SGCZ: variants seen among roughly 807,000 people sequenced by gnomAD.
SGCZ encodes sarcoglycan zeta, also known as zeta-sarcoglycan.
Under a neutral mutation model 41.3 loss-of-function variants are expected in SGCZ, and 40 were observed. The ratio of observed to expected loss-of-function variants is 0.97; its 90% CI spans 0.75 to 1.26. The LOEUF is 1.26. Ranked by LOEUF, SGCZ falls within the 50% of genes most tolerant of loss-of-function variation. The probability of loss-of-function intolerance (pLI) is 0.00; values close to 1 mark genes in which losing one functional copy is unlikely to be tolerated. For synonymous variants in SGCZ, 206 were observed against 137.5 expected, an observed-to-expected ratio of 1.50 and a Z score of -3.49; for missense variants, 552 against 369.8, an observed-to-expected ratio of 1.49 and a Z score of -4.04.
chr8:14,811,569 T>C (rs143343602), intron 1 of SGCZ, among the ~76,000 whole-genome samples: 1,524 of 141,496 alleles, frequency 0.011, 17 homozygotes, highest in Non-Finnish European at 0.018. Flanking sequence ...CCACTCCTTA[T>C]AGTTGTTATG....
intron 1 of SGCZ, among the ~76,000 whole-genome samples, chr8:14,691,008 T>C (rs1279452603): frequency 6.6e-6 from 1 of 152,186 alleles, no homozygotes; most frequent in Non-Finnish European, 1.5e-5. Context: ...CAACCTACAT[T>C]CTGTGAAAGA....
chr8:14,443,752 C>A (rs1800345183), intron 2 of SGCZ, among the ~76,000 whole-genome samples: 1 of 152,006 alleles, frequency 6.6e-6, no homozygotes, highest in Non-Finnish European at 1.5e-5. Context: ...TAGGCATAGG[C>A]AAGGACTTCA....
intron 1 of SGCZ, among the ~76,000 whole-genome samples, chr8:14,981,180 T>C (rs887412359): frequency 1.3e-5 from 2 of 152,202 alleles, no homozygotes; most frequent in East Asian, 3.9e-4. Context: ...TCTATCCTTG[T>C]TTAAATTTCC....
intron 1 of SGCZ, among the ~76,000 whole-genome samples, chr8:15,020,461 A>G (rs1010490256): frequency 1.3e-5 from 2 of 152,048 alleles, no homozygotes; most frequent in South Asian, 2.1e-4. Flanking sequence ...ATGGGTGCAT[A>G]TATATATGAG....
At chr8:14,290,447 G>A (rs1328882881) in intron 3 of SGCZ, among the ~76,000 whole-genome samples, 1 of 151,804 alleles carries the variant, frequency 6.6e-6, no homozygotes, top group Non-Finnish European at 1.5e-5. Context: ...TCTTATAAGG[G>A]GCTAATATCC....
At chr8:14,818,874 TG>T (rs1801984642) in intron 1 of SGCZ, among the ~76,000 whole-genome samples, 1 of 151,890 alleles carries the variant, frequency 6.6e-6, no homozygotes, top group African/African-American at 2.4e-5. Context: ...AATCTAGTGA[TG>T]GGGGCAAATA....
rs113205265 is a variant in SGCZ, at chr8:14,270,007, A to C, written c.337-32328T>G. Among the ~76,000 whole-genome samples the C allele has an allele frequency of 2.1e-3, 317 of 152,274 alleles. 4 individuals carry two copies. Among genetic ancestry groups the C allele is most frequent in the Non-Finnish European group, 2.9e-3 (199 of 68,022 alleles). On this transcript the variant is annotated intron_variant, in intron 3 of 7. Coordinates refer to ENST00000382080, the MANE Select transcript of SGCZ (RefSeq NM_139167.4). ...AAGTGGAATAAATATTTGATGACAC[A>C]ATTTCATGGAACACCTTAACTTCTT...
chr8:14,815,297 T>A (rs902461229), intron 1 of SGCZ, among the ~76,000 whole-genome samples: 2 of 152,010 alleles, frequency 1.3e-5, no homozygotes, highest in Non-Finnish European at 2.9e-5. Flanking sequence ...AAAGAAAAAT[T>A]TGTTTCATAA....
At chr8:15,160,689 G>A (rs1799485399) in intron 1 of SGCZ, among the ~76,000 whole-genome samples, 1 of 152,112 alleles carries the variant, frequency 6.6e-6, no homozygotes, top group Admixed American at 6.5e-5. Flanking sequence ...GTGTTCAGTA[G>A]GCATATGAGA....
At chr8:15,016,870 A>AAG (rs142823662) in intron 1 of SGCZ, among the ~76,000 whole-genome samples, 10 of 150,234 alleles carry the variant, frequency 6.7e-5, no homozygotes, top group East Asian at 3.9e-4. Context: ...GTCATTTGGC[A>AAG]AGAGAGAGAG....
chr8:14,381,379 T>C lies in SGCZ; in HGVS notation c.235-57175A>G, dbSNP rs115740683. 6.9e-3 allele frequency among the ~76,000 whole-genome samples: 1,055 copies of C among 152,336 alleles called. 9 individuals are homozygous for C. The highest frequency in any genetic ancestry group is 0.018 in the South Asian group (85 of 4,828). On this transcript the variant is annotated intron_variant, in intron 2 of 7. Transcript: ENST00000382080. The stretch of plus-strand genomic sequence containing the variant: ...TCAGGTCCAGCCATCCTGATATTAA[T>C]AATGGGGTGTCATAAAAGATGATAA...
intron 1 of SGCZ, among the ~76,000 whole-genome samples, chr8:14,730,544 A>ATGTGGGAGTTGAACAAT: frequency 6.6e-6 from 1 of 152,012 alleles, no homozygotes; most frequent in Non-Finnish European, 1.5e-5. Flanking sequence ...GAAGGGAATC[A>ATGTGGGAGTTGAACAAT]GAAACAACAT....
At chr8:14,363,356 A>G (rs1803594612) in intron 2 of SGCZ, among the ~76,000 whole-genome samples, 2 of 152,156 alleles carry the variant, frequency 1.3e-5, no homozygotes, top group African/African-American at 4.8e-5. Flanking sequence ...TACTATAGTT[A>G]TGGTCTAGAG....
chr8:14,665,161 C>G (rs551627923), intron 1 of SGCZ, among the ~76,000 whole-genome samples: 6 of 152,098 alleles, frequency 3.9e-5, no homozygotes, highest in African/African-American at 7.2e-5. Flanking sequence ...ATCCCTCCCC[C>G]CTCTCCCCAC....
intron 1 of SGCZ, among the ~76,000 whole-genome samples, chr8:15,047,526 T>G (rs1036746349): frequency 6.6e-6 from 1 of 152,038 alleles, no homozygotes; most frequent in African/African-American, 2.4e-5. Flanking sequence ...ATGTGGACCT[T>G]TAAAGTCTTC....
At chr8:14,264,379 G>C (rs552005133) in intron 3 of SGCZ, among the ~76,000 whole-genome samples, 54 of 152,226 alleles carry the variant, frequency 3.5e-4, no homozygotes, top group African/African-American at 1.0e-3. Flanking sequence ...CCTCACTCTA[G>C]GCTGGTTACT....
chr8:14,109,560 A>C (rs959611752), intron 5 of SGCZ, among the ~76,000 whole-genome samples: 2 of 152,160 alleles, frequency 1.3e-5, no homozygotes, highest in Non-Finnish European at 2.9e-5. Context: ...TAATTTAAAA[A>C]TATGTATTTG....
intron 1 of SGCZ, among the ~76,000 whole-genome samples, chr8:14,847,483 C>T (rs1803169008): frequency 6.7e-6 from 1 of 149,044 alleles, no homozygotes; most frequent in African/African-American, 2.5e-5. Flanking sequence ...TCAAGTGAAT[C>T]TATGTAATTC....
Position 14,278,412 on chromosome 8 carries a change from G to A in SGCZ, c.337-40733C>T, listed in dbSNP as rs1315465039. Among the ~76,000 whole-genome samples the A allele has an allele frequency of 2.6e-5, 4 of 152,098 alleles. No homozygotes were observed. In the East Asian group the frequency reaches 7.8e-4, roughly 30 times the overall value. ...TCCATGTGTTCTGCTTCTCCTTACT[G>A]AGCCATCCAAATAATTTAGTCAAAT... On this transcript the variant is annotated intron_variant, in intron 3 of 7. Transcript: ENST00000382080.
Sources: allele counts gnomAD v4.1 joint callset (sites outside exome capture counted in the v4.1 genomes callset), GRCh38; gene constraint gnomAD v4.1.1; transcripts MANE v1.5; gene names NCBI Gene and HGNC (gene_info 2026-07-23, HGNC 2026-07-21).